The following ADAM11 variants were observed in gnomAD, a reference collection of about 807,000 sequenced individuals.
ADAM11 encodes the protein ADAM metallopeptidase domain 11.
A neutral mutation model predicts 119.1 loss-of-function variants in ADAM11; 49 were observed. The ratio of observed to expected loss-of-function variants is 0.41; its 90% confidence interval spans 0.33 to 0.52. The LOEUF is 0.52. ADAM11 is among the 20% of genes least tolerant of loss of function. The pLI is 0.20. For missense variants in ADAM11, 777 were observed against 1,047.5 expected (o/e 0.74, Z 3.56); for synonymous variants, 364 against 408.0 (o/e 0.89, Z 1.30).
In ADAM11 at chr17:44,778,000, A is replaced by C. The variant is rs1328236009; in HGVS notation, c.2119A>C (p.Lys707Gln). 6.2e-7 allele frequency: 1 copy of C among 1,613,920 alleles called. No homozygotes were observed. Among genetic ancestry groups the C allele is most frequent in the African/African-American group, 1.3e-5 (1 of 74,932 alleles). Residue 707 changes from lysine (K) to glutamine (Q), a missense_variant, in exon 24 of 27, where the codon AAA becomes CAA. Lys to Gln is a moderately conservative substitution (Grantham distance 53, BLOSUM62 1). This residue lies in a region of ADAM11 where 348 missense variants were observed against 486.7 expected (regional missense o/e 0.72). Transcript: ENST00000200557. This position sits in a 1 kb window ranked among gnomAD's most constrained non-coding sequence, Gnocchi z 5.1. The part of the protein sequence containing the change: ...KCICQPDWTG[K>Q]DCSIHNPLPT... ...CATCTGTCAGCCAGACTGGACAGGC[A>C]AAGACTGCAGTATCCATAACCCCCT...
intron 2 of ADAM11, among the ~76,000 whole-genome samples, chr17:44,764,207 T>C (rs186697309): frequency 3.2e-4 from 49 of 152,290 alleles, no homozygotes; most frequent in African/African-American, 1.2e-3. Flanking sequence ...CCTCAGTCTC[T>C]GGGCTAAGCT....
chr17:44,762,047 C>G (rs1027216504), intron 2 of ADAM11, among the ~76,000 whole-genome samples: 5 of 152,198 alleles, frequency 3.3e-5, no homozygotes, highest in African/African-American at 1.2e-4. Flanking sequence ...TGGTCTCGAA[C>G]TTCCGACCTC....
chr17:44,776,753 T>TGCAC lies in ADAM11; in HGVS notation c.1575_1576insGCAC (p.Asn526AlafsTer12). 1 of 1,614,070 alleles carries TGCAC rather than the reference T, an allele frequency of 6.2e-7. No individual in the cohort carries two copies. Among genetic ancestry groups the TGCAC allele is most frequent in the Non-Finnish European group, 8.5e-7 (1 of 1,179,984 alleles). ...CACCCCTCTCTCCACAGTGCCCGCC[T>TGCAC]AACCTGCACAAGCTGGACGGTTACT... is the stretch of plus-strand genomic sequence containing the variant. On this transcript the variant is annotated frameshift_variant, in exon 19 of 27. Transcript: ENST00000200557. LOFTEE classifies it high-confidence loss of function. This position sits in a 1 kb window ranked among gnomAD's most constrained non-coding sequence, Gnocchi z 5.2.
Position 44,780,843 on chromosome 17 carries a change from A to C in ADAM11, c.*1089A>C, listed in dbSNP as rs2049683405. 6.5e-6 allele frequency: 1 copy of C among 152,828 alleles called. No homozygotes were observed. The allele number at this position is 152,828 out of a possible 1,614,324, so 9.5% of individuals were successfully genotyped here. A position where few individuals can be genotyped will look rare whatever the true frequency, so the allele number is the denominator to read the frequency against. On this transcript the variant is annotated 3_prime_UTR_variant, in exon 27 of 27. Coordinates refer to ENST00000200557, the MANE Select transcript of ADAM11 (RefSeq NM_002390.6). ...AAGTCCTTAAGGCCCCATCTAGTCC[A>C]TTCCACTCCCTACCCCCATTCCAGA...
Position 44,769,702 on chromosome 17 carries a change from C to T in ADAM11, c.238-16C>T. On this transcript the variant is annotated splice_polypyrimidine_tract_variant and intron_variant, in intron 2 of 26. Coordinates refer to ENST00000200557, the MANE Select transcript of ADAM11 (RefSeq NM_002390.6). ...CCTCCCTGGGTTGACTCCCCCTCTG[C>T]CCTCCCCCCACCCAGCCTGTCCATC... The T allele has an allele frequency of 2.0e-6, 2 of 1,005,432 alleles. No homozygotes were observed. Among genetic ancestry groups the T allele is most frequent in the Non-Finnish European group, 1.6e-6 (1 of 624,266 alleles). The allele number at this position is 1,005,432 out of a possible 1,614,324, so 62.3% of individuals were successfully genotyped here.
At chr17:44,760,188 G>C (rs1016220746) in intron 2 of ADAM11, among the ~76,000 whole-genome samples, 3 of 152,226 alleles carry the variant, frequency 2.0e-5, no homozygotes, top group Non-Finnish European at 4.4e-5. Flanking sequence ...CCCCTGCTCT[G>C]CTCTGGCCAA....
In ADAM11 at chr17:44,780,217, G is replaced by A. The variant is rs1282998962; in HGVS notation, c.*463G>A. ...TAAAACTGAATCTTAATCGATGAATGTAAACTCGGGGGTGCTGGGGCCAGG... is the reference window on the plus strand; with the variant it reads ...TAAAACTGAATCTTAATCGATGAATATAAACTCGGGGGTGCTGGGGCCAGG... On this transcript the variant is annotated 3_prime_UTR_variant, in exon 27 of 27. Transcript: ENST00000200557. 6.6e-6 allele frequency: 3 copies of A among 451,806 alleles called. No individual in the cohort carries two copies. The highest frequency in any genetic ancestry group is 3.2e-5 in the South Asian group (2 of 62,092). 28.0% of individuals were successfully genotyped at this position (451,806 alleles called of 1,614,324 possible).
chr17:44,772,581 CAGAT>C lies in ADAM11; in HGVS notation c.678+116_678+119del. ...TCTATGGCTGGGGCGAAGGAAGGCT[CAGAT>C]GGATGTGGCTGGGGGCCAGGGACCG... On this transcript the variant is annotated intron_variant, in intron 8 of 26. Coordinates refer to ENST00000200557, the MANE Select transcript of ADAM11 (RefSeq NM_002390.6). This position sits in a 1 kb window ranked among gnomAD's most constrained non-coding sequence, Gnocchi z 4.5. 1.5e-6 allele frequency: 2 copies of C among 1,337,018 alleles called. No homozygotes were observed. Among genetic ancestry groups the C allele is most frequent in the Non-Finnish European group, 2.0e-6 (2 of 977,130 alleles). 82.8% of individuals were successfully genotyped at this position (1,337,018 alleles called of 1,614,324 possible).
intron 6 of ADAM11, 34 bp downstream of exon 6, chr17:44,771,865 G>A: frequency 6.3e-7 from 1 of 1,582,338 alleles, no homozygotes; most frequent in Non-Finnish European, 8.6e-7. Context: ...CATCCTCTCT[G>A]GTGGCCCTGC....
intron 6 of ADAM11, 132 bp downstream of exon 6, chr17:44,771,963 C>A: frequency 1.9e-6 from 2 of 1,067,864 alleles, no homozygotes; most frequent in Non-Finnish European, 1.4e-6. Flanking sequence ...TCTTCAGTGA[C>A]CCCAGCTCTG....
chr17:44,776,671 A>G lies in ADAM11; in HGVS notation c.1567-74A>G, dbSNP rs2049605591. 1 of 1,564,464 alleles carries G rather than the reference A, an allele frequency of 6.4e-7. No homozygotes were observed. The highest frequency in any genetic ancestry group is 1.7e-5 in the Admixed American group (1 of 57,584). ...CCCAATGGGGGGCACTTGGTACCCC[A>G]GCATTCCTCCCTGGGGCAGCCCTCA... is the stretch of plus-strand genomic sequence containing the variant. On this transcript the variant is annotated intron_variant, in intron 18 of 26. Coordinates refer to ENST00000200557, the MANE Select transcript of ADAM11 (RefSeq NM_002390.6). The surrounding 1 kb of genome is among the most constrained non-coding windows in gnomAD (Gnocchi z 5.2).
intron 2 of ADAM11, among the ~76,000 whole-genome samples, chr17:44,761,194 C>T (rs1001614393): frequency 2.6e-5 from 4 of 151,958 alleles, no homozygotes; most frequent in Admixed American, 2.0e-4. Flanking sequence ...TGTGGGGGAA[C>T]TGATGGTCTG....
chr17:44,766,207 G>T (rs920474362), intron 2 of ADAM11, among the ~76,000 whole-genome samples: 2 of 152,154 alleles, frequency 1.3e-5, no homozygotes, highest in Non-Finnish European at 2.9e-5. Context: ...GGAGAGGGAG[G>T]TCCGGGCAGG....
chr17:44,762,969 C>CAAA lies in ADAM11; in HGVS notation c.237+3087_237+3089dup, dbSNP rs56690757. ...ACCATAGTGAGACTCCCGTCTCTAC[C>CAAA]AAAAAAAAAAAAAAAAATTACCCAA... On this transcript the variant is annotated intron_variant, in intron 2 of 26. Transcript: ENST00000200557. Among the ~76,000 whole-genome samples, 478 of 130,756 alleles carry CAAA rather than the reference C, an allele frequency of 3.7e-3. 3 individuals carry two copies. Among genetic ancestry groups the CAAA allele is most frequent in the African/African-American group, 0.013 (445 of 35,456 alleles). The allele number at this position is 130,756 out of a possible 152,430, so 85.8% of individuals were successfully genotyped here.
intron 2 of ADAM11, among the ~76,000 whole-genome samples, chr17:44,767,583 CTCTT>C (rs1343321388): frequency 6.6e-6 from 1 of 152,174 alleles, no homozygotes; most frequent in African/African-American, 2.4e-5. Context: ...GGTATGTGGT[CTCTT>C]TCTTTCTCCT....
At position 44,769,801 on chromosome 17, in the gene ADAM11, G is replaced by A; in HGVS notation, c.314+7G>A. The A allele has an allele frequency of 6.2e-7, 1 of 1,613,894 alleles. No individual in the cohort carries two copies. Among genetic ancestry groups the A allele is most frequent in the Non-Finnish European group, 8.5e-7 (1 of 1,179,770 alleles). On this transcript the variant is annotated splice_region_variant and intron_variant, in intron 3 of 26. Coordinates refer to ENST00000200557, the MANE Select transcript of ADAM11 (RefSeq NM_002390.6). ...TGGACCTGGAGCTGAACCAGTGAGT[G>A]TGGCCTTGAGCCCAAGAGGAAGGGC...
chr17:44,772,826 G>T lies in ADAM11; in HGVS notation c.679-31G>T. ...CATGAGATCAGTCAGACATGGAAGG[G>T]ACTGATTCCAAGTGCCCACCCACCC... On this transcript the variant is annotated intron_variant, in intron 8 of 26. Transcript: ENST00000200557. This position sits in a 1 kb window ranked among gnomAD's most constrained non-coding sequence, Gnocchi z 4.5. 6.2e-7 allele frequency: 1 copy of T among 1,605,234 alleles called. No homozygotes were observed. The highest frequency in any genetic ancestry group is 1.1e-5 in the South Asian group (1 of 90,700).
rs776824342 is a variant in ADAM11 at position 44,773,026 on chromosome 17, C to G, written c.766C>G (p.Arg256Gly). Residue 256 changes from arginine to glycine, a missense_variant, in exon 10 of 27, where the codon CGA (arginine) becomes GGA (glycine). Around this residue, in one of 4 missense-constraint regions of ADAM11, gnomAD observed 147 missense variants for 223.3 expected, o/e 0.66. Transcript: ENST00000200557. This position sits in a 1 kb window ranked among gnomAD's most constrained non-coding sequence, Gnocchi z 4.6. ...TTCTCTCTCCCAGTTCGAGCAGATG[C>G]GACAGTCGGTGGTCCTCACCAGCAA... ...INDHQLFEQM[R>G]QSVVLTSNFA... 4 of 1,613,958 alleles carry G rather than the reference C, an allele frequency of 2.5e-6. No individual in the cohort carries two copies.
At chr17:44,764,644 C>T (rs1045098154) in intron 2 of ADAM11, among the ~76,000 whole-genome samples, 3 of 152,178 alleles carry the variant, frequency 2.0e-5, no homozygotes, top group African/African-American at 7.2e-5. Flanking sequence ...GTGGCACAGC[C>T]TTAGTGCAGG....
Sources: allele counts gnomAD v4.1 joint callset (sites outside exome capture counted in the v4.1 genomes callset), GRCh38; gene constraint gnomAD v4.1.1; regional missense constraint gnomAD v4.1.1; non-coding constraint Gnocchi (gnomAD v3.1); transcripts MANE v1.5; gene names NCBI Gene and HGNC (gene_info 2026-07-23, HGNC 2026-07-21).